The following TTK variants were observed in gnomAD, a reference collection of about 807,000 sequenced individuals.
The protein encoded by TTK is dual specificity protein kinase TTK.
Under a neutral mutation model 117.3 loss-of-function variants are expected in TTK, and 59 were observed. The ratio of observed to expected loss-of-function variants is 0.50; its 90% CI spans 0.41 to 0.62. The LOEUF is 0.62. TTK is among the 20% of genes least tolerant of loss of function. TTK has a pLI of 0.00. For synonymous variants in TTK, 302 were observed against 325.0 expected (o/e 0.93, Z 0.76); for missense variants, 921 against 989.4 (o/e 0.93, Z 0.93).
chr6:80,023,457 G>A (rs1278757011), intron 11 of TTK, among the ~76,000 whole-genome samples: 1 of 152,126 alleles, frequency 6.6e-6, no homozygotes. Context: ...GCCGGGTGTG[G>A]TGGTGGGCGC....
intron 13 of TTK, among the ~76,000 whole-genome samples, chr6:80,030,687 G>A (rs1163964789): frequency 1.3e-5 from 2 of 152,094 alleles, no homozygotes. Flanking sequence ...GAAGCACTGA[G>A]GAGGAAATCT....
chr6:80,034,558 G>A (rs1453838773), intron 14 of TTK, among the ~76,000 whole-genome samples: 2 of 152,064 alleles, frequency 1.3e-5, no homozygotes, highest in African/African-American at 4.8e-5. Context: ...AAACTGCTGG[G>A]CTCAAGCAAT....
In TTK at chr6:80,026,494, C is replaced by A. The variant is rs1309841971; in HGVS notation, c.1374C>A (p.Thr458=). ...TTTGTAAGACACCAAGCAGCAATAC[C>A]TTGGATGATTACATGAGCTGGTAAT... The part of the protein sequence containing the change: ...KSICKTPSSN[T]LDDYMSCFRT... The change falls in exon 12 of 22, where the codon ACC becomes ACA. Residue 458 remains threonine (T), a synonymous_variant. Coordinates refer to ENST00000369798, the MANE Select transcript of TTK (RefSeq NM_003318.5). 1.2e-6 allele frequency: 2 copies of A among 1,613,580 alleles called. No individual in the cohort carries two copies. Among genetic ancestry groups the A allele is most frequent in the Non-Finnish European group, 1.7e-6 (2 of 1,179,836 alleles).
intron 4 of TTK, 104 bp downstream of exon 4, chr6:80,008,596 G>A: frequency 9.7e-7 from 1 of 1,030,860 alleles, no homozygotes; most frequent in Non-Finnish European, 1.4e-6. Context: ...TGAGGCAAAA[G>A]ACATTAAAGT....
rs1327270833 is a variant in TTK, at chr6:80,042,328, C to T, written c.*126C>T. On this transcript the variant is annotated 3_prime_UTR_variant, in exon 22 of 22. Coordinates refer to ENST00000369798, the MANE Select transcript of TTK (RefSeq NM_003318.5). ...TGAAGTGTTATCAGCAAAAAAAATT[C>T]AGTAGATTATCTTTAAAAGAAAACT... 5 of 642,658 alleles carry T rather than the reference C, an allele frequency of 7.8e-6. No individual in the cohort carries two copies. The East Asian group carries it at 1.4e-4, about 18-fold the overall frequency. 39.8% of individuals were successfully genotyped at this position (642,658 alleles called of 1,614,324 possible). A position where few individuals can be genotyped will look rare whatever the true frequency, so the allele number is the denominator to read the frequency against.
chr6:80,023,275 T>G (rs987332825), intron 11 of TTK, among the ~76,000 whole-genome samples: 1 of 152,204 alleles, frequency 6.6e-6, no homozygotes, highest in African/African-American at 2.4e-5. Flanking sequence ...GCCAAGAAAC[T>G]TTAAAAATGT....
Position 80,007,858 on chromosome 6 carries a change from G to A in TTK, c.189G>A (p.Glu63=). Residue 63 remains glutamate, a synonymous_variant, in exon 3 of 22, where the codon GAG becomes GAA. Transcript: ENST00000369798. ...NQIMMMANNP[E]DWLSLLLKLE... ...TTATGATGATGGCAAACAACCCAGAGGACTGGTTGAGTTTGTTGCTCAAAC... is the reference window on the plus strand; with the variant it reads ...TTATGATGATGGCAAACAACCCAGAAGACTGGTTGAGTTTGTTGCTCAAAC... 1 of 1,613,294 alleles carries A rather than the reference G, an allele frequency of 6.2e-7. No homozygotes were observed. The highest frequency in any genetic ancestry group is 8.5e-7 in the Non-Finnish European group (1 of 1,179,540).
chr6:80,024,334 G>A lies in TTK; in HGVS notation c.1257+1862G>A, dbSNP rs140792186. 2.4e-4 allele frequency among the ~76,000 whole-genome samples: 36 copies of A among 152,246 alleles called. No individual in the cohort carries two copies. The East Asian group carries it at 6.6e-3, about 28-fold the overall frequency. ...TATTCATAGCAGCATTTTCATAATTGCCAAAAAGTGGAAATAACAAAATAT... is the reference window on the plus strand; with the variant it reads ...TATTCATAGCAGCATTTTCATAATTACCAAAAAGTGGAAATAACAAAATAT... On this transcript the variant is annotated intron_variant, in intron 11 of 21. Coordinates refer to ENST00000369798, the MANE Select transcript of TTK (RefSeq NM_003318.5).
chr6:80,031,953 CT>C (rs1312665958), intron 14 of TTK, among the ~76,000 whole-genome samples: 3 of 152,094 alleles, frequency 2.0e-5, no homozygotes, highest in Non-Finnish European at 2.9e-5. Context: ...ATTTTGTTTT[CT>C]TTTGAGTTAT....
intron 10 of TTK, among the ~76,000 whole-genome samples, chr6:80,016,458 T>C (rs2127672987): frequency 6.6e-6 from 1 of 152,310 alleles, no homozygotes; most frequent in South Asian, 2.1e-4. Flanking sequence ...TTCCTTAATG[T>C]CTACTTTTGA....
At chr6:80,038,755 T>C (rs966230745) in intron 18 of TTK, among the ~76,000 whole-genome samples, 3 of 152,130 alleles carry the variant, frequency 2.0e-5, no homozygotes, top group Admixed American at 1.3e-4. Context: ...TAAAATTCTT[T>C]TTATATTTGT....
rs767712333 is a variant in TTK at position 80,020,774 on chromosome 6, GC to G, written c.1109-1549del. On this transcript the variant is annotated intron_variant, in intron 10 of 21. Transcript: ENST00000369798. ...GTTGTTGGAAACCATTTCTTCCCTA[GC>G]GGGGAGAGGAGCAGCCTATCTTGCT... Among the ~76,000 whole-genome samples, 90 of 152,342 alleles carry G rather than the reference GC, an allele frequency of 5.9e-4. 1 individual carries two copies. Among genetic ancestry groups the G allele is most frequent in the African/African-American group, 1.9e-3 (79 of 41,584 alleles).
chr6:80,042,230 C>T lies in TTK; in HGVS notation c.*28C>T, dbSNP rs1385077369. 6.6e-7 allele frequency: 1 copy of T among 1,506,528 alleles called. No homozygotes were observed. The highest frequency in any genetic ancestry group is 9.1e-7 in the Non-Finnish European group (1 of 1,095,450). The allele number at this position is 1,506,528 out of a possible 1,614,324, so 93.3% of individuals were successfully genotyped here. A position where few individuals can be genotyped will look rare whatever the true frequency, so the allele number is the denominator to read the frequency against. On this transcript the variant is annotated 3_prime_UTR_variant, in exon 22 of 22. Coordinates refer to ENST00000369798, the MANE Select transcript of TTK (RefSeq NM_003318.5). ...TGCAGTTATTCGTAATGTCAGATAC[C>T]ACCTATAAAATATATTGGACTGTTA...
Position 80,011,933 on chromosome 6 carries a change from T to C in TTK, c.849T>C (p.Asp283=), listed in dbSNP as rs377539341. 1.2e-6 allele frequency: 2 copies of C among 1,612,366 alleles called. No homozygotes were observed. Among genetic ancestry groups the C allele is most frequent in the Non-Finnish European group, 1.7e-6 (2 of 1,179,112 alleles). Residue 283 remains aspartate (D), a synonymous_variant, in exon 8 of 22, where the codon GAT becomes GAC. Coordinates refer to ENST00000369798, the MANE Select transcript of TTK (RefSeq NM_003318.5). ...RVPVNLLNSP[D]CDVKTDDSVV... is the part of the protein sequence containing the mutation. ...CAGTTAACCTTCTAAATAGCCCAGA[T>C]TGTGATGTGAAGACAGATGATTCAG...
At chr6:80,019,707 C>T (rs956068275) in intron 10 of TTK, among the ~76,000 whole-genome samples, 1 of 152,130 alleles carries the variant, frequency 6.6e-6, no homozygotes, top group Non-Finnish European at 1.5e-5. Flanking sequence ...GAGCTGTTTT[C>T]ATTGAACCAC....
At chr6:80,039,373 C>T (rs1767986421) in intron 18 of TTK, among the ~76,000 whole-genome samples, 1 of 91,928 alleles carries the variant, frequency 1.1e-5, no homozygotes, top group Non-Finnish European at 2.1e-5. Flanking sequence ...TATTATAATC[C>T]AGTAATTCTG....
At chr6:80,015,786 T>C (rs906890461) in intron 10 of TTK, among the ~76,000 whole-genome samples, 1 of 152,190 alleles carries the variant, frequency 6.6e-6, no homozygotes, top group Non-Finnish European at 1.5e-5. Flanking sequence ...ACTTTATTAA[T>C]ATAATAAAGC....
chr6:80,031,794 T>C (rs953311508), intron 14 of TTK, among the ~76,000 whole-genome samples: 6 of 152,156 alleles, frequency 3.9e-5, no homozygotes, highest in Non-Finnish European at 8.8e-5. Context: ...CCTGTGCTTC[T>C]AAACTTCTTC....
chr6:80,015,559 A>C (rs1472138585), intron 10 of TTK, among the ~76,000 whole-genome samples: 1 of 152,180 alleles, frequency 6.6e-6, no homozygotes, highest in Non-Finnish European at 1.5e-5. Flanking sequence ...AGTCCCAGGC[A>C]AACGGGGACA....
Sources: gnomAD v4.1 joint callset for allele counts (sites outside exome capture counted in the v4.1 genomes callset) on GRCh38, gnomAD v4.1.1 for gene constraint, MANE v1.5 for transcripts, NCBI Gene and HGNC (gene_info 2026-07-23, HGNC 2026-07-21) for gene names.